Variants in SDK1 observed in about 807,000 individuals in gnomAD.
SDK1 encodes sidekick cell adhesion molecule 1.
A neutral mutation model predicts 245.5 loss-of-function variants in SDK1; 157 were observed. The ratio of observed to expected loss-of-function variants is 0.64; its 90% CI spans 0.56 to 0.73. SDK1 has a LOEUF of 0.73. SDK1 is among the 30% of genes least tolerant of loss of function. The probability of loss-of-function intolerance (pLI) is 0.00; values close to 1 mark genes in which losing one functional copy is unlikely to be tolerated. For missense variants in SDK1, 3,583 were observed against 3,002.3 expected, an observed-to-expected ratio of 1.19 and a Z score of -4.52; for synonymous variants, 1,647 against 1,278.5, an observed-to-expected ratio of 1.29 and a Z score of -6.15.
intron 5 of SDK1, among the ~76,000 whole-genome samples, chr7:3,892,187 T>C (rs1245351559): frequency 6.6e-6 from 1 of 152,240 alleles, no homozygotes; most frequent in East Asian, 1.9e-4. Context: ...GCAGCCCTAC[T>C]TCTGTGTACC....
At chr7:3,908,381 A>G (rs1583546418) in intron 5 of SDK1, among the ~76,000 whole-genome samples, 1 of 152,300 alleles carries the variant, frequency 6.6e-6, no homozygotes. Flanking sequence ...CTCATTCCCC[A>G]CCACGAACCT....
chr7:3,415,392 T>C (rs570678052), intron 1 of SDK1, among the ~76,000 whole-genome samples: 44 of 152,202 alleles, frequency 2.9e-4, no homozygotes, highest in Non-Finnish European at 4.7e-4. Flanking sequence ...AGAGAAGTTA[T>C]ATCTATATGT....
intron 20 of SDK1, among the ~76,000 whole-genome samples, chr7:4,068,447 C>T (rs1180957807): frequency 6.6e-6 from 1 of 152,148 alleles, no homozygotes; most frequent in Non-Finnish European, 1.5e-5. Context: ...GGCTTACGTG[C>T]CTGTGTCTCA....
intron 7 of SDK1, among the ~76,000 whole-genome samples, chr7:3,957,270 G>A (rs187118705): frequency 9.9e-5 from 15 of 152,180 alleles, no homozygotes; most frequent in South Asian, 2.1e-4. Context: ...TGCATGTGCC[G>A]TCTTTTCACG....
At chr7:4,179,468 G>C (rs927130377) in intron 35 of SDK1, among the ~76,000 whole-genome samples, 4 of 152,082 alleles carry the variant, frequency 2.6e-5, no homozygotes, top group Non-Finnish European at 4.4e-5. Context: ...TTTGCAATTG[G>C]GAAGGGTTAT....
At chr7:3,717,650 C>A (rs1322252017) in intron 4 of SDK1, among the ~76,000 whole-genome samples, 1 of 152,024 alleles carries the variant, frequency 6.6e-6, no homozygotes. Flanking sequence ...AGGTTTATGC[C>A]CATAAAGTTG....
chr7:4,103,127 A>C (rs1448613061), intron 22 of SDK1, among the ~76,000 whole-genome samples: 2 of 151,844 alleles, frequency 1.3e-5, no homozygotes, highest in African/African-American at 4.8e-5. Flanking sequence ...CAGCCTCCAG[A>C]GTAGCTGGGA....
chr7:3,975,419 C>G (rs1225757390), intron 13 of SDK1, among the ~76,000 whole-genome samples: 1 of 152,152 alleles, frequency 6.6e-6, no homozygotes, highest in Non-Finnish European at 1.5e-5. Flanking sequence ...GAGATTTTTC[C>G]TCACTGGACC....
intron 38 of SDK1, 32 bp downstream of exon 38, chr7:4,210,194 G>T (rs762869313): frequency 6.7e-7 from 1 of 1,500,820 alleles, no homozygotes; most frequent in South Asian, 1.4e-5. Context: ...ATGGGAGCGC[G>T]GGCCACACCA....
At chr7:3,537,128 A>T (rs1041583380) in intron 1 of SDK1, among the ~76,000 whole-genome samples, 10 of 152,172 alleles carry the variant, frequency 6.6e-5, no homozygotes, top group Non-Finnish European at 1.0e-4. Flanking sequence ...TCCCTCTTAA[A>T]TCAGTCCATT....
At chr7:3,814,875 A>G (rs1018716410) in intron 4 of SDK1, among the ~76,000 whole-genome samples, 21 of 151,966 alleles carry the variant, frequency 1.4e-4, no homozygotes, top group Admixed American at 7.9e-4. Flanking sequence ...CTTTGAAGCA[A>G]TTGTGAATGG....
chr7:3,856,512 C>T (rs886800343), intron 5 of SDK1, among the ~76,000 whole-genome samples: 2 of 148,434 alleles, frequency 1.3e-5, no homozygotes, highest in Non-Finnish European at 3.0e-5. Flanking sequence ...AGCAGCTGGC[C>T]GGGCATGGTG....
chr7:3,860,148 C>G lies in SDK1; in HGVS notation c.847+38565C>G, dbSNP rs980469196. Among the ~76,000 whole-genome samples, 140 of 152,126 alleles carry G rather than the reference C, an allele frequency of 9.2e-4. 2 individuals are homozygous for G. Among genetic ancestry groups the G allele is most frequent in the African/African-American group, 3.3e-3 (135 of 41,476 alleles). ...AGTTAGCCAGGATGGTCTCACTCTC[C>G]TGACCTCGTGATCCGCCTGCCTCAG... On this transcript the variant is annotated intron_variant, in intron 5 of 44. Coordinates refer to ENST00000404826, the MANE Select transcript of SDK1 (RefSeq NM_152744.4).
chr7:3,534,425 A>G (rs1043498096), intron 1 of SDK1, among the ~76,000 whole-genome samples: 3 of 152,144 alleles, frequency 2.0e-5, no homozygotes, highest in African/African-American at 4.8e-5. Flanking sequence ...TGGATCATAT[A>G]GTAATTATAT....
At chr7:4,142,073 C>T (rs1779617004) in intron 28 of SDK1, among the ~76,000 whole-genome samples, 1 of 152,102 alleles carries the variant, frequency 6.6e-6, no homozygotes, top group Admixed American at 6.5e-5. Flanking sequence ...CATGTTTTTT[C>T]ACACGGTGAA....
At chr7:3,506,187 G>C (rs1782385955) in intron 1 of SDK1, among the ~76,000 whole-genome samples, 1 of 151,990 alleles carries the variant, frequency 6.6e-6, no homozygotes, top group South Asian at 2.1e-4. Context: ...AGTTCTCTCA[G>C]ATTTTGTTTG....
At chr7:3,645,861 T>A (rs1428338407) in intron 4 of SDK1, among the ~76,000 whole-genome samples, 2 of 152,028 alleles carry the variant, frequency 1.3e-5, no homozygotes, top group Non-Finnish European at 2.9e-5. Context: ...CTATTTTTTT[T>A]TTATTTTTAT....
chr7:3,940,471 T>C (rs75664679), intron 5 of SDK1, among the ~76,000 whole-genome samples: 157 of 152,320 alleles, frequency 1.0e-3, no homozygotes, highest in African/African-American at 3.7e-3. Context: ...CTTCCCGTTT[T>C]ATGGCATCTT....
intron 5 of SDK1, among the ~76,000 whole-genome samples, chr7:3,915,063 C>G (rs568187594): frequency 2.6e-5 from 4 of 152,318 alleles, no homozygotes; most frequent in African/African-American, 7.2e-5. Context: ...TGATTATTCT[C>G]TTGTACGGCC....
Sources: gnomAD v4.1 joint callset for allele counts (sites outside exome capture counted in the v4.1 genomes callset) on GRCh38, gnomAD v4.1.1 for gene constraint, MANE v1.5 for transcripts, NCBI Gene and HGNC (gene_info 2026-07-23, HGNC 2026-07-21) for gene names.